GABRG3: variants seen among roughly 807,000 people sequenced by gnomAD.
The protein encoded by GABRG3 is gamma-aminobutyric acid type A receptor subunit gamma3.
GABRG3 carries 25 observed loss-of-function variants against 48.8 expected under a neutral mutation model. The ratio of observed to expected loss-of-function variants is 0.51; its 90% confidence interval spans 0.37 to 0.72. GABRG3 has a LOEUF of 0.72. Among genes scored for constraint, GABRG3 ranks in the 30% least tolerant of loss-of-function variants. The probability of loss-of-function intolerance (pLI) is 0.00; values close to 1 mark genes in which losing one functional copy is unlikely to be tolerated. For synonymous variants in GABRG3, 227 were observed against 217.6 expected (o/e 1.04, Z -0.38); for missense variants, 394 against 577.9 (o/e 0.68, Z 3.26).
chr15:27,248,795 CACACACACAG>C (rs1166470135), intron 3 of GABRG3, among the ~76,000 whole-genome samples: 11 of 119,794 alleles, frequency 9.2e-5, no homozygotes, highest in South Asian at 5.9e-4. Context: ...CACACACACA[CACACACACAG>C]AGAGAGAGAG....
intron 3 of GABRG3, among the ~76,000 whole-genome samples, chr15:27,232,931 G>A (rs991906971): frequency 6.6e-5 from 10 of 152,274 alleles, no homozygotes; most frequent in African/African-American, 2.2e-4. Context: ...TCATTCCCTC[G>A]GAGGCTGTGG....
intron 3 of GABRG3, among the ~76,000 whole-genome samples, chr15:27,193,109 G>A (rs1252574274): frequency 6.6e-6 from 1 of 152,162 alleles, no homozygotes; most frequent in Non-Finnish European, 1.5e-5. Context: ...GGCCGTGTGA[G>A]GTGTCAGTCT....
At chr15:27,014,920 A>G (rs1895750614) in intron 2 of GABRG3, among the ~76,000 whole-genome samples, 1 of 152,134 alleles carries the variant, frequency 6.6e-6, no homozygotes, top group African/African-American at 2.4e-5. Context: ...AGCTCTGCCA[A>G]TGTTTACCTT....
chr15:27,164,082 C>T (rs1243235309), intron 3 of GABRG3, among the ~76,000 whole-genome samples: 1 of 152,152 alleles, frequency 6.6e-6, no homozygotes, highest in Non-Finnish European at 1.5e-5. Flanking sequence ...CATAAACATT[C>T]CAAAATTGTT....
In GABRG3 at chr15:27,325,275, G is replaced by A. The variant is rs145813960; in HGVS notation, c.271-1534G>A. 1.5e-3 allele frequency among the ~76,000 whole-genome samples: 231 copies of A among 152,232 alleles called. 1 individual carries two copies. Among genetic ancestry groups the A allele is most frequent in the African/African-American group, 4.9e-3 (205 of 41,538 alleles). On this transcript the variant is annotated intron_variant, in intron 3 of 9. Transcript: ENST00000615808. ...GTCAGTGAGAGGCATGCCAAGTTTC[G>A]GAAGGCAGAAACAAGGCTGAGGCCA...
intron 3 of GABRG3, among the ~76,000 whole-genome samples, chr15:27,085,863 A>C (rs1439075188): frequency 6.6e-6 from 1 of 152,202 alleles, no homozygotes; most frequent in Non-Finnish European, 1.5e-5. Context: ...TATGTTCTGC[A>C]AATCTACAAT....
chr15:27,527,772 C>G, intron 8 of GABRG3, 143 bp downstream of exon 8: 1 of 1,030,758 alleles, frequency 9.7e-7, no homozygotes, highest in South Asian at 1.6e-5. Flanking sequence ...CAAAACCAGA[C>G]AGGGATTCTG....
At chr15:27,398,312 G>T (rs929050556) in intron 5 of GABRG3, among the ~76,000 whole-genome samples, 7 of 152,116 alleles carry the variant, frequency 4.6e-5, no homozygotes, top group Admixed American at 3.3e-4. Context: ...AGTTTTCAGA[G>T]GTGGAGCTGA....
intron 3 of GABRG3, among the ~76,000 whole-genome samples, chr15:27,267,711 T>C (rs4421946): frequency 0.47 from 70,964 of 152,082 alleles, 18,732 homozygotes; most frequent in Non-Finnish European, 0.61. Flanking sequence ...CTATTTCTAG[T>C]TTACTGAGAG....
chr15:27,193,175 C>T (rs1206679497), intron 3 of GABRG3, among the ~76,000 whole-genome samples: 2 of 152,322 alleles, frequency 1.3e-5, no homozygotes, highest in East Asian at 1.9e-4. Flanking sequence ...GGGTCAGGGA[C>T]CCACATGAGG....
chr15:27,003,155 T>C (rs1895486373), intron 2 of GABRG3, among the ~76,000 whole-genome samples: 1 of 147,450 alleles, frequency 6.8e-6, no homozygotes, highest in Non-Finnish European at 1.5e-5. Flanking sequence ...TGAAATAGTT[T>C]TTATTTTTTT....
chr15:27,062,196 C>A (rs2095805888), intron 3 of GABRG3, among the ~76,000 whole-genome samples: 2 of 152,110 alleles, frequency 1.3e-5, no homozygotes, highest in African/African-American at 4.8e-5. Flanking sequence ...CCCTTTGGAG[C>A]CAGAGTCTGT....
intron 5 of GABRG3, among the ~76,000 whole-genome samples, chr15:27,395,422 T>C (rs1887270471): frequency 6.6e-6 from 1 of 152,222 alleles, no homozygotes; most frequent in Non-Finnish European, 1.5e-5. Context: ...AGAGAGACTA[T>C]AATATCTAAA....
At chr15:27,182,779 G>C (rs544324826) in intron 3 of GABRG3, among the ~76,000 whole-genome samples, 1 of 152,296 alleles carries the variant, frequency 6.6e-6, no homozygotes, top group African/African-American at 2.4e-5. Flanking sequence ...AAGGGCTTCT[G>C]CTCGGGGCCA....
chr15:27,272,970 C>T (rs2140474848), intron 3 of GABRG3, among the ~76,000 whole-genome samples: 1 of 152,302 alleles, frequency 6.6e-6, no homozygotes, highest in South Asian at 2.1e-4. Flanking sequence ...CCACTCATCC[C>T]TGCACTTGTG....
intron 3 of GABRG3, among the ~76,000 whole-genome samples, chr15:27,263,450 G>A (rs181190290): frequency 1.3e-5 from 2 of 152,120 alleles, no homozygotes; most frequent in East Asian, 3.9e-4. Flanking sequence ...CACATTAAGA[G>A]GTTTGAACTT....
chr15:27,487,125 A>C (rs948904409), intron 6 of GABRG3, among the ~76,000 whole-genome samples: 1 of 152,188 alleles, frequency 6.6e-6, no homozygotes, highest in Non-Finnish European at 1.5e-5. Context: ...AAATCTTTCA[A>C]ACCCACTGTG....
chr15:27,413,076 C>T (rs371269285), intron 5 of GABRG3, among the ~76,000 whole-genome samples: 145 of 151,872 alleles, frequency 9.5e-4, no homozygotes, highest in African/African-American at 3.4e-3. Context: ...GTCAAAGCAA[C>T]CAAAAAAATG....
chr15:27,454,483 A>T (rs887098708), intron 5 of GABRG3, among the ~76,000 whole-genome samples: 4 of 152,170 alleles, frequency 2.6e-5, no homozygotes, highest in Non-Finnish European at 5.9e-5. Context: ...CACCCTGGTG[A>T]CACGGGTGTG....
Sources: gnomAD v4.1 joint callset for allele counts (sites outside exome capture counted in the v4.1 genomes callset) on GRCh38, gnomAD v4.1.1 for gene constraint, MANE v1.5 for transcripts, NCBI Gene and HGNC (gene_info 2026-07-23, HGNC 2026-07-21) for gene names.